Variants in FSTL4 observed in about 807,000 individuals in gnomAD.
FSTL4 encodes the protein follistatin-related protein 4.
In FSTL4, 28 loss-of-function variants were observed where a neutral mutation model predicts 78.2. The ratio of observed to expected loss-of-function variants is 0.36; its 90% CI spans 0.27 to 0.49. The LOEUF (loss-of-function observed/expected upper bound fraction) is 0.49, where lower values mean the gene tolerates loss of function less well. Among genes scored for constraint, FSTL4 ranks in the 20% least tolerant of loss-of-function variants. The pLI is 0.98. For synonymous variants in FSTL4, 422 were observed against 440.5 expected (o/e 0.96, Z 0.53); for missense variants, 922 against 1,084.9 (o/e 0.85, Z 2.11).
chr5:133,827,692 A>G, the FSTL4 span, among the ~76,000 whole-genome samples: 2 of 151,698 alleles, frequency 1.3e-5, no homozygotes, highest in Non-Finnish European at 2.9e-5. Flanking sequence ...CTACAAAGCC[A>G]TGGGTTTCTT....
chr5:133,686,349 G>A, the FSTL4 span, among the ~76,000 whole-genome samples: 55,222 of 152,168 alleles, frequency 0.36, 10,103 homozygotes, highest in South Asian at 0.4. Context: ...AGAGTGGCCA[G>A]TAGGGTCACA....
At chr5:133,758,854 G>A in the FSTL4 span, among the ~76,000 whole-genome samples, 1 of 152,178 alleles carries the variant, frequency 6.6e-6, no homozygotes, top group South Asian at 2.1e-4. Flanking sequence ...GGTGTGGCTG[G>A]CTGGCAAGTT....
intron 3 of FSTL4, among the ~76,000 whole-genome samples, chr5:133,401,492 G>A (rs1325699305): frequency 6.6e-6 from 1 of 152,132 alleles, no homozygotes; most frequent in African/African-American, 2.4e-5. Context: ...CCTGCAATAC[G>A]TTTTCCTTCC....
intron 8 of FSTL4, among the ~76,000 whole-genome samples, chr5:133,232,584 C>T (rs985522230): frequency 6.6e-6 from 1 of 152,220 alleles, no homozygotes; most frequent in Non-Finnish European, 1.5e-5. Flanking sequence ...ATTTCCCAAG[C>T]ATTATATACA....
the FSTL4 span, among the ~76,000 whole-genome samples, chr5:133,618,321 A>G: frequency 6.6e-6 from 1 of 152,202 alleles, no homozygotes; most frequent in Non-Finnish European, 1.5e-5. Context: ...TGAAACCTCA[A>G]ATAAGGGGGA....
upstream of FSTL4, among the ~76,000 whole-genome samples, chr5:133,616,818 G>A (rs1278832623): frequency 6.6e-6 from 1 of 152,154 alleles, no homozygotes; most frequent in African/African-American, 2.4e-5. Flanking sequence ...AGATGGTACT[G>A]GACTTAGTTG....
At chr5:133,369,376 C>G (rs1246905468) in intron 4 of FSTL4, among the ~76,000 whole-genome samples, 1 of 152,210 alleles carries the variant, frequency 6.6e-6, no homozygotes, top group Non-Finnish European at 1.5e-5. Flanking sequence ...TCCTGTGTCT[C>G]CTCAGCAGGA....
intron 5 of FSTL4, 82 bp from the exon 6 acceptor site, chr5:133,312,859 G>A: frequency 7.1e-7 from 1 of 1,399,470 alleles, no homozygotes; most frequent in Middle Eastern, 1.8e-4. Flanking sequence ...CAGGCCAAGA[G>A]GGAATCCAGG....
chr5:133,269,400 A>G (rs561851988), intron 6 of FSTL4, among the ~76,000 whole-genome samples: 2 of 152,276 alleles, frequency 1.3e-5, no homozygotes, highest in Non-Finnish European at 2.9e-5. Context: ...GAGACGGGGG[A>G]TAAGAGAGCA....
the FSTL4 span, among the ~76,000 whole-genome samples, chr5:133,751,255 T>C: frequency 6.6e-6 from 1 of 152,236 alleles, no homozygotes; most frequent in Non-Finnish European, 1.5e-5. Flanking sequence ...AGGCCCTTGC[T>C]TCTCACTGAG....
intron 3 of FSTL4, among the ~76,000 whole-genome samples, chr5:133,562,267 C>T (rs577231052): frequency 1.1e-4 from 17 of 152,262 alleles, no homozygotes; most frequent in Admixed American, 9.8e-4. Context: ...TCACATTATA[C>T]CAAGATAGAT....
At position 133,470,616 on chromosome 5, in the gene FSTL4, G is replaced by A. The variant is rs138712309; in HGVS notation, c.161-69630C>T. On this transcript the variant is annotated intron_variant, in intron 3 of 15. Coordinates refer to ENST00000265342, the MANE Select transcript of FSTL4 (RefSeq NM_015082.2). ...AAAACTTAGTCAAGAGTAGTGGCGC[G>A]TGCCTGTAATCACAGCTACTCAGGA... 1.8e-4 allele frequency among the ~76,000 whole-genome samples: 28 copies of A among 152,114 alleles called. 1 individual carries two copies. Among genetic ancestry groups the A allele is most frequent in the Middle Eastern group, 6.8e-3 (2 of 294 alleles).
chr5:133,411,377 A>G (rs966400203), intron 3 of FSTL4, among the ~76,000 whole-genome samples: 7 of 152,200 alleles, frequency 4.6e-5, no homozygotes, highest in Non-Finnish European at 1.0e-4. Context: ...GCCAACAAGA[A>G]AATCAGGAGA....
intron 1 of FSTL4, among the ~76,000 whole-genome samples, chr5:133,609,767 CAT>C (rs1242731310): frequency 2.6e-5 from 4 of 152,246 alleles, no homozygotes; most frequent in Non-Finnish European, 4.4e-5. Context: ...CACAGACACA[CAT>C]GTGACTTCCA....
chr5:133,763,267 T>C, the FSTL4 span, among the ~76,000 whole-genome samples: 1 of 152,208 alleles, frequency 6.6e-6, no homozygotes, highest in African/African-American at 2.4e-5. Context: ...AGTAGCCAAT[T>C]ACTGCTCTTC....
At position 133,344,552 on chromosome 5, in the gene FSTL4, T is replaced by C. The variant is rs542198507; in HGVS notation, c.410-27900A>G. On this transcript the variant is annotated intron_variant, in intron 4 of 15. Transcript: ENST00000265342. ...AGTTAAATTGTTCTCTTTCTTCATC[T>C]TCCTTTAATTGCTCAAAATCGTGAC... Among the ~76,000 whole-genome samples, 128 of 152,350 alleles carry C rather than the reference T, an allele frequency of 8.4e-4. 1 individual carries two copies. The highest frequency in any genetic ancestry group is 3.0e-3 in the African/African-American group (125 of 41,590).
At chr5:133,278,617 G>A (rs1482177525) in intron 6 of FSTL4, among the ~76,000 whole-genome samples, 2 of 152,180 alleles carry the variant, frequency 1.3e-5, no homozygotes, top group African/African-American at 2.4e-5. Context: ...TACCAGGTGA[G>A]GTGGCATCAG....
chr5:133,744,834 G>A, the FSTL4 span, among the ~76,000 whole-genome samples: 3 of 152,180 alleles, frequency 2.0e-5, no homozygotes, highest in Non-Finnish European at 4.4e-5. Flanking sequence ...GGTTTCCATG[G>A]TGATTTTACA....
intron 4 of FSTL4, among the ~76,000 whole-genome samples, chr5:133,398,107 C>G (rs1290166561): frequency 6.6e-6 from 1 of 152,122 alleles, no homozygotes; most frequent in African/African-American, 2.4e-5. Flanking sequence ...TTCTACTCCC[C>G]CCTGGAGCCA....
Sources: allele counts gnomAD v4.1 joint callset (sites outside exome capture counted in the v4.1 genomes callset), GRCh38; gene constraint gnomAD v4.1.1; transcripts MANE v1.5; gene names NCBI Gene and HGNC (gene_info 2026-07-23, HGNC 2026-07-21).